Variants in VPS45 observed in about 807,000 individuals in gnomAD.
VPS45 encodes vacuolar protein sorting 45 homolog.
VPS45 carries 35 observed loss-of-function variants against 75.9 expected under a neutral mutation model. The observed-to-expected ratio is 0.46, with a 90% CI of 0.35 to 0.61. The LOEUF is 0.61. Among genes scored for constraint, VPS45 ranks in the 20% least tolerant of loss-of-function variants. The probability of loss-of-function intolerance (pLI) is 0.00; values close to 1 mark genes in which losing one functional copy is unlikely to be tolerated. For missense variants in VPS45, 559 were observed against 685.9 expected (o/e 0.81, Z 2.07); for synonymous variants, 220 against 238.2 (o/e 0.92, Z 0.70).
chr1:150,124,319 C>T (rs1658389509), intron 14 of VPS45, among the ~76,000 whole-genome samples: 1 of 151,848 alleles, frequency 6.6e-6, no homozygotes, highest in Admixed American at 6.6e-5. Flanking sequence ...ATCAGTCAGA[C>T]GTGGTGGCGT....
chr1:150,105,645 T>G (rs1657280525), intron 13 of VPS45, among the ~76,000 whole-genome samples: 1 of 152,196 alleles, frequency 6.6e-6, no homozygotes, highest in South Asian at 2.1e-4. Flanking sequence ...CATCCCATGC[T>G]TATGGATTGG....
intron 14 of VPS45, among the ~76,000 whole-genome samples, chr1:150,112,639 C>T (rs1657706223): frequency 6.6e-6 from 1 of 152,296 alleles, no homozygotes; most frequent in Middle Eastern, 3.4e-3. Flanking sequence ...TGATTCAATT[C>T]TGACACGATC....
chr1:150,068,202 C>T, intron 1 of VPS45: 1 of 491,444 alleles, frequency 2.0e-6, no homozygotes, highest in Non-Finnish European at 3.6e-6. Flanking sequence ...AATGTCCCCG[C>T]CAAGAAATCA....
chr1:150,081,123 G>A (rs1241038883), intron 7 of VPS45, among the ~76,000 whole-genome samples: 1 of 152,110 alleles, frequency 6.6e-6, no homozygotes, highest in African/African-American at 2.4e-5. Flanking sequence ...TTTTCCAAAA[G>A]TATGAAATCT....
rs1658404961 is a variant in VPS45 at position 150,124,553 on chromosome 1, T to C, written c.1625+13926T>C. Among the ~76,000 whole-genome samples the C allele has an allele frequency of 7.8e-5, 7 of 89,200 alleles. 3 individuals are homozygous for C. The highest frequency in any genetic ancestry group is 1.8e-4 in the Non-Finnish European group (7 of 39,570). 58.5% of individuals were successfully genotyped at this position (89,200 alleles called of 152,430 possible). The stretch of plus-strand genomic sequence containing the variant: ...ATATGTTGGCTTTTTTTCTTTTTTC[T>C]TTTTTTTTTTTTGAGACAGAGTCTC... On this transcript the variant is annotated intron_variant, in intron 14 of 14. Coordinates refer to ENST00000644510, the MANE Select transcript of VPS45 (RefSeq NM_007259.5).
chr1:150,097,634 G>A (rs1372436317), intron 13 of VPS45, among the ~76,000 whole-genome samples: 7 of 151,672 alleles, frequency 4.6e-5, no homozygotes, highest in South Asian at 2.1e-4. Context: ...CAGGAGAATC[G>A]CTTGAACCAG....
At chr1:150,140,120 G>A (rs1444309111) in intron 14 of VPS45, among the ~76,000 whole-genome samples, 5 of 151,790 alleles carry the variant, frequency 3.3e-5, no homozygotes, top group South Asian at 4.2e-4. Context: ...TCTGAAACTC[G>A]TGACCTCAAG....
intron 3 of VPS45, among the ~76,000 whole-genome samples, chr1:150,074,432 G>A (rs1326169860): frequency 6.6e-6 from 1 of 152,052 alleles, no homozygotes; most frequent in South Asian, 2.1e-4. Flanking sequence ...AGTATTCCAT[G>A]GTATGAATGT....
At chr1:150,070,066 A>C (rs1327914892) in intron 2 of VPS45, among the ~76,000 whole-genome samples, 1 of 152,070 alleles carries the variant, frequency 6.6e-6, no homozygotes, top group Non-Finnish European at 1.5e-5. Flanking sequence ...GGACGTTTGC[A>C]TAGTCTTCTT....
rs151281692 is a variant in VPS45, at chr1:150,112,320, A to C, written c.1625+1693A>C. Among the ~76,000 whole-genome samples the C allele has an allele frequency of 2.9e-3, 448 of 152,278 alleles. 2 individuals are homozygous for C. The highest frequency in any genetic ancestry group is 0.01 in the South Asian group (50 of 4,832). On this transcript the variant is annotated intron_variant, in intron 14 of 14. Coordinates refer to ENST00000644510, the MANE Select transcript of VPS45 (RefSeq NM_007259.5). ...TATTACTTTAATTTTATATGGTCAC[A>C]GTTACCTGTGATTTCTGCCTTTGGT...
At chr1:150,108,182 A>G (rs1299777420) in intron 13 of VPS45, among the ~76,000 whole-genome samples, 3 of 152,194 alleles carry the variant, frequency 2.0e-5, no homozygotes, top group Admixed American at 2.0e-4. Flanking sequence ...TAAACATCCA[A>G]ATGGAAATGT....
At position 150,081,464 on chromosome 1, in the gene VPS45, A is replaced by C. The variant is rs1655705779; in HGVS notation, c.810A>C (p.Glu270Asp). Reference sequence around the variant, plus strand: ...TGGTCCTATCTGCTGAAAATGATGAATTCTATGCTAATGTAGGTGGTTTAA... The same window carrying C: ...TGGTCCTATCTGCTGAAAATGATGACTTCTATGCTAATGTAGGTGGTTTAA... ...REVVLSAEND[E>D]FYANNMYLNF... The change falls in exon 8 of 15, where the codon GAA (glutamate) becomes GAC (aspartate). Residue 270 changes from glutamate (E) to aspartate (D), a missense_variant. Transcript: ENST00000644510. 1.1e-5 allele frequency: 17 copies of C among 1,599,010 alleles called. No homozygotes were observed. The highest frequency in any genetic ancestry group is 1.4e-5 in the Non-Finnish European group (17 of 1,176,502).
chr1:150,132,587 C>A (rs1658888994), intron 14 of VPS45, among the ~76,000 whole-genome samples: 1 of 152,204 alleles, frequency 6.6e-6, no homozygotes, highest in Non-Finnish European at 1.5e-5. Context: ...ATGCATCCTT[C>A]AGCACATATG....
At chr1:150,085,809 G>T (rs587614737) in intron 10 of VPS45, among the ~76,000 whole-genome samples, 1 of 152,038 alleles carries the variant, frequency 6.6e-6, no homozygotes, top group African/African-American at 2.4e-5. Flanking sequence ...GTAGGCTAAT[G>T]AAAATTTCAT....
intron 14 of VPS45, among the ~76,000 whole-genome samples, chr1:150,135,548 G>C (rs1659031212): frequency 6.6e-6 from 1 of 152,046 alleles, no homozygotes; most frequent in Admixed American, 6.6e-5. Context: ...TAACAGGCAT[G>C]AGTCACTGGG....
At chr1:150,099,225 T>TAA in intron 13 of VPS45, 1 of 316,076 alleles carries the variant, frequency 3.2e-6, no homozygotes. Context: ...AGGTGGGCAA[T>TAA]GTGTCTCATG....
At chr1:150,113,166 C>G (rs1269378193) in intron 14 of VPS45, among the ~76,000 whole-genome samples, 1 of 152,088 alleles carries the variant, frequency 6.6e-6, no homozygotes, top group Admixed American at 6.5e-5. Context: ...TAAGGCTTGG[C>G]CTTTCCGGCA....
At chr1:150,142,089 T>C (rs782712598) in intron 14 of VPS45, among the ~76,000 whole-genome samples, 1 of 151,438 alleles carries the variant, frequency 6.6e-6, no homozygotes, top group Non-Finnish European at 1.5e-5. Context: ...CCCCAAATAG[T>C]TTTTTTTTAA....
intron 14 of VPS45, among the ~76,000 whole-genome samples, chr1:150,133,927 T>C (rs974458664): frequency 3.3e-5 from 5 of 152,242 alleles, no homozygotes; most frequent in Admixed American, 2.0e-4. Context: ...TTTGCTTTTC[T>C]TGCTGTTTCT....
Sources: gnomAD v4.1 joint callset for allele counts (sites outside exome capture counted in the v4.1 genomes callset) on GRCh38, gnomAD v4.1.1 for gene constraint, MANE v1.5 for transcripts, NCBI Gene and HGNC (gene_info 2026-07-23, HGNC 2026-07-21) for gene names.